Variants in LRRC18 observed in about 807,000 individuals in gnomAD.
LRRC18 encodes leucine rich repeat containing 18.
A neutral mutation model predicts 11.2 loss-of-function variants in LRRC18; 12 were observed. The ratio of observed to expected loss-of-function variants is 1.07; its 90% CI spans 0.69 to 1.74. LRRC18 has a LOEUF of 1.74. LRRC18 is among the 40% of genes most tolerant of loss of function. LRRC18 has a pLI of 0.00. For synonymous variants in LRRC18, 155 were observed against 130.6 expected, an observed-to-expected ratio of 1.19 and a Z score of -1.27; for missense variants, 374 against 330.5, an observed-to-expected ratio of 1.13 and a Z score of -1.02.
chr10:48,910,367 A>G (rs1049086254), intron 1 of LRRC18, 109 bp from the exon 4 acceptor site: 13 of 943,504 alleles, frequency 1.4e-5, no homozygotes, highest in South Asian at 1.2e-4. Context: ...GACCTTCAGG[A>G]TGGTCAGGTT....
At chr10:48,916,651 A>T (rs1838565605), upstream of LRRC18, among the ~76,000 whole-genome samples, 1 of 152,190 alleles carries the variant, frequency 6.6e-6, no homozygotes, top group African/African-American at 2.4e-5. Context: ...TGCTCCTGGG[A>T]GCCACAGAGT....
the LRRC18 span, among the ~76,000 whole-genome samples, chr10:48,928,353 C>CGT: frequency 0.2 from 25,242 of 124,778 alleles, 2,566 homozygotes; most frequent in Non-Finnish European, 0.25. Flanking sequence ...TTGGTTTTGA[C>CGT]GTGTGTGTGT....
At chr10:48,913,272 G>T in intron 1 of LRRC18, 120 bp downstream of exon 3, 1 of 924,290 alleles carries the variant, frequency 1.1e-6, no homozygotes, top group South Asian at 1.6e-5. Context: ...AGTTTTATGG[G>T]CTTGGCTGAA....
At chr10:48,914,542 C>T (rs1263592506), upstream of LRRC18, among the ~76,000 whole-genome samples, 1 of 152,222 alleles carries the variant, frequency 6.6e-6, no homozygotes, top group Non-Finnish European at 1.5e-5. Flanking sequence ...GTACCCCCAA[C>T]CCAGAGCCAT....
At chr10:48,911,267 A>C (rs1837975850) in intron 1 of LRRC18, among the ~76,000 whole-genome samples, 1 of 152,206 alleles carries the variant, frequency 6.6e-6, no homozygotes, top group Non-Finnish European at 1.5e-5. Context: ...AAAAATGTGA[A>C]GGACAGTGCT....
At chr10:48,920,830 AC>A in the LRRC18 span, among the ~76,000 whole-genome samples, 137 of 152,364 alleles carry the variant, frequency 9.0e-4, 2 homozygotes, top group Non-Finnish European at 8.2e-4. Flanking sequence ...CAAGGTTAGC[AC>A]ACAAAACACC....
chr10:48,913,280 G>A (rs890915265), intron 1 of LRRC18, 112 bp downstream of exon 3: 4 of 1,025,892 alleles, frequency 3.9e-6, no homozygotes, highest in South Asian at 3.1e-5. Flanking sequence ...GGGCTTGGCT[G>A]AAAGAGCTGC....
chr10:48,910,974 A>G, intron 1 of LRRC18: 1 of 913,348 alleles, frequency 1.1e-6, no homozygotes, highest in Non-Finnish European at 1.3e-6. Flanking sequence ...CTAAAGAAAA[A>G]GTGTCTGAAG....
At chr10:48,916,426 C>A (rs764256268), upstream of LRRC18, among the ~76,000 whole-genome samples, 5 of 152,124 alleles carry the variant, frequency 3.3e-5, no homozygotes, top group Non-Finnish European at 7.3e-5. Flanking sequence ...CCCAGGCCAC[C>A]CTGTATCCCT....
At chr10:48,931,529 A>T in the LRRC18 span, among the ~76,000 whole-genome samples, 1 of 152,174 alleles carries the variant, frequency 6.6e-6, no homozygotes, top group Non-Finnish European at 1.5e-5. Context: ...TATGGGGAGG[A>T]TATGTCAAGC....
the LRRC18 span, among the ~76,000 whole-genome samples, chr10:48,932,962 G>A: frequency 2.6e-5 from 4 of 152,116 alleles, no homozygotes; most frequent in East Asian, 1.9e-4. Context: ...GTGCAAGGTG[G>A]GCCATGTGCT....
the LRRC18 span, among the ~76,000 whole-genome samples, chr10:48,931,602 C>T: frequency 6.6e-6 from 1 of 152,164 alleles, no homozygotes; most frequent in Non-Finnish European, 1.5e-5. Flanking sequence ...GAAACTGTGG[C>T]CTACTTTTTG....
the LRRC18 span, among the ~76,000 whole-genome samples, chr10:48,919,862 T>G: frequency 1.5e-5 from 2 of 131,988 alleles, no homozygotes; most frequent in African/African-American, 2.8e-5. Context: ...TGATATGATC[T>G]CTTTCAAAAA....
chr10:48,918,757 G>C (rs1838777875), upstream of LRRC18, among the ~76,000 whole-genome samples: 1 of 152,158 alleles, frequency 6.6e-6, no homozygotes, highest in Non-Finnish European at 1.5e-5. Context: ...CAGGGGGTAG[G>C]ATGGTGACAG....
At chr10:48,929,479 G>T in the LRRC18 span, among the ~76,000 whole-genome samples, 1 of 152,132 alleles carries the variant, frequency 6.6e-6, no homozygotes, top group Non-Finnish European at 1.5e-5. Flanking sequence ...AGTTGATTGG[G>T]TGGGTTAGAG....
chr10:48,923,506 A>ATATATATATATATATATATATATG, the LRRC18 span, among the ~76,000 whole-genome samples: 1 of 115,114 alleles, frequency 8.7e-6, no homozygotes. Flanking sequence ...GTATATATAT[A>ATATATATATATATATATATATATG]TATATATGTC....
chr10:48,927,370 G>A, the LRRC18 span, among the ~76,000 whole-genome samples: 1 of 152,168 alleles, frequency 6.6e-6, no homozygotes, highest in Non-Finnish European at 1.5e-5. Context: ...CCTATTGTGG[G>A]TGGTGGGGGG....
chr10:48,933,623 T>C, the LRRC18 span, among the ~76,000 whole-genome samples: 7,349 of 152,260 alleles, frequency 0.048, 250 homozygotes, highest in South Asian at 0.14. Flanking sequence ...AAAAGAAGCA[T>C]GCATGTGTTA....
At chr10:48,924,418 G>C in the LRRC18 span, among the ~76,000 whole-genome samples, 1 of 152,226 alleles carries the variant, frequency 6.6e-6, no homozygotes, top group Non-Finnish European at 1.5e-5. Flanking sequence ...TGAAATGTAA[G>C]AGTGGGATCA....
Sources: gnomAD v4.1 joint callset for allele counts (sites outside exome capture counted in the v4.1 genomes callset) on GRCh38, gnomAD v4.1.1 for gene constraint, MANE v1.5 for transcripts, NCBI Gene and HGNC (gene_info 2026-07-23, HGNC 2026-07-21) for gene names.